The following SEMA5A variants were observed in gnomAD, a reference collection of about 807,000 sequenced individuals.
SEMA5A encodes the protein semaphorin-5A.
SEMA5A carries 55 observed loss-of-function variants against 135.5 expected under a neutral mutation model. That is an observed-to-expected ratio of 0.41 (90% confidence interval 0.33 to 0.51). The LOEUF (loss-of-function observed/expected upper bound fraction) is 0.51. SEMA5A is among the 20% of genes least tolerant of loss of function. SEMA5A has a pLI of 0.37. For synonymous variants in SEMA5A, 580 were observed against 546.5 expected (o/e 1.06, Z -0.85); for missense variants, 1,290 against 1,419.9 (o/e 0.91, Z 1.47).
At chr5:9,226,997 AT>A in intron 6 of SEMA5A, 30 bp from the exon 7 acceptor site, 1 of 908,234 alleles carries the variant, frequency 1.1e-6, no homozygotes, top group Non-Finnish European at 1.4e-6. Flanking sequence ...TTAATTAAAA[AT>A]ATATATATAT....
intron 16 of SEMA5A, among the ~76,000 whole-genome samples, chr5:9,086,778 A>G (rs1197020333): frequency 6.6e-6 from 1 of 152,246 alleles, no homozygotes; most frequent in Non-Finnish European, 1.5e-5. Context: ...TAATCCGTTT[A>G]TGAATGCTGT....
chr5:9,179,415 A>C (rs1476693046), intron 11 of SEMA5A, among the ~76,000 whole-genome samples: 1 of 152,234 alleles, frequency 6.6e-6, no homozygotes, highest in African/African-American at 2.4e-5. Flanking sequence ...AGAGGAAGCA[A>C]GAGACCAAGA....
intron 8 of SEMA5A, among the ~76,000 whole-genome samples, chr5:9,206,276 T>C (rs1289016156): frequency 6.6e-6 from 1 of 152,214 alleles, no homozygotes; most frequent in African/African-American, 2.4e-5. Context: ...AAACTGTTTT[T>C]TCTAATGTTT....
At chr5:9,433,869 T>C (rs1387748193) in intron 2 of SEMA5A, among the ~76,000 whole-genome samples, 1 of 152,194 alleles carries the variant, frequency 6.6e-6, no homozygotes, top group Non-Finnish European at 1.5e-5. Context: ...CTGGCAGATT[T>C]TTAAGACTCC....
intron 2 of SEMA5A, among the ~76,000 whole-genome samples, chr5:9,432,518 T>C (rs1045927595): frequency 6.6e-6 from 1 of 152,142 alleles, no homozygotes; most frequent in Non-Finnish European, 1.5e-5. Flanking sequence ...CACCCAAACC[T>C]ATGTCTTCTC....
At chr5:9,180,737 C>G (rs1744461186) in intron 11 of SEMA5A, among the ~76,000 whole-genome samples, 1 of 151,948 alleles carries the variant, frequency 6.6e-6, no homozygotes, top group African/African-American at 2.4e-5. Flanking sequence ...CAGCCTTGCC[C>G]TACTTTTTTT....
intron 11 of SEMA5A, among the ~76,000 whole-genome samples, chr5:9,178,239 T>A (rs977086238): frequency 6.6e-6 from 1 of 152,130 alleles, no homozygotes; most frequent in African/African-American, 2.4e-5. Flanking sequence ...ACACTTTCAG[T>A]TATGTTCAAT....
At chr5:9,321,045 A>G (rs1474594536) in intron 4 of SEMA5A, among the ~76,000 whole-genome samples, 1 of 152,106 alleles carries the variant, frequency 6.6e-6, no homozygotes. Flanking sequence ...TGATTGGATC[A>G]TGGGGGCGGG....
At chr5:9,279,792 C>A (rs939825661) in intron 5 of SEMA5A, among the ~76,000 whole-genome samples, 5 of 152,110 alleles carry the variant, frequency 3.3e-5, no homozygotes, top group Admixed American at 6.6e-5. Context: ...CTTGCTTTCC[C>A]TTTGCCTTTT....
chr5:9,428,622 A>G (rs1198123311), intron 2 of SEMA5A, among the ~76,000 whole-genome samples: 1 of 152,216 alleles, frequency 6.6e-6, no homozygotes, highest in African/African-American at 2.4e-5. Context: ...GTACACTGTA[A>G]GTGATGTTCA....
At chr5:9,467,427 A>G (rs1759304922) in intron 1 of SEMA5A, among the ~76,000 whole-genome samples, 2 of 152,092 alleles carry the variant, frequency 1.3e-5, no homozygotes, top group Non-Finnish European at 2.9e-5. Context: ...AACTGTTCTG[A>G]GGCCTGATGA....
intron 5 of SEMA5A, among the ~76,000 whole-genome samples, chr5:9,245,699 TC>T (rs1172738884): frequency 6.6e-6 from 1 of 152,220 alleles, no homozygotes. Context: ...GATTCTAAAG[TC>T]TTAAAATTCT....
At chr5:9,303,395 T>C (rs995555255) in intron 5 of SEMA5A, among the ~76,000 whole-genome samples, 8 of 152,168 alleles carry the variant, frequency 5.3e-5, no homozygotes, top group Admixed American at 5.2e-4. Flanking sequence ...GGAACTTGAA[T>C]ATATTTTAAA....
chr5:9,221,707 C>T (rs146382028), intron 8 of SEMA5A, among the ~76,000 whole-genome samples: 91 of 152,170 alleles, frequency 6.0e-4, no homozygotes, highest in African/African-American at 2.0e-3. Flanking sequence ...GTCCAAAAAA[C>T]GAAAATTACT....
chr5:9,304,967 A>G (rs187452352), intron 5 of SEMA5A, among the ~76,000 whole-genome samples: 1 of 152,130 alleles, frequency 6.6e-6, no homozygotes, highest in Non-Finnish European at 1.5e-5. Flanking sequence ...AATGCATTCA[A>G]ACACCTCAGA....
intron 1 of SEMA5A, among the ~76,000 whole-genome samples, chr5:9,443,994 A>C (rs1758334965): frequency 6.6e-6 from 1 of 152,220 alleles, no homozygotes; most frequent in African/African-American, 2.4e-5. Flanking sequence ...TCTACAGGCC[A>C]GCACTGGCTG....
At chr5:9,166,595 T>C (rs1265630561) in intron 11 of SEMA5A, among the ~76,000 whole-genome samples, 1 of 152,236 alleles carries the variant, frequency 6.6e-6, no homozygotes, top group African/African-American at 2.4e-5. Context: ...TCACTGTACA[T>C]ATGCCAGGAG....
rs570388951 is a variant in SEMA5A, at chr5:9,084,427, A to G, written c.2074-17781T>C. ...TCATCTTGTAGCTCCCATAATTCCC[A>G]TGTATTGTGGGAGGAACCTGTTGGG... is the stretch of plus-strand genomic sequence containing the variant. On this transcript the variant is annotated intron_variant, in intron 16 of 22. Coordinates refer to ENST00000382496, the MANE Select transcript of SEMA5A (RefSeq NM_003966.3). 2.1e-3 allele frequency among the ~76,000 whole-genome samples: 318 copies of G among 152,208 alleles called. 1 individual carries two copies. Among genetic ancestry groups the G allele is most frequent in the Middle Eastern group, 3.4e-3 (1 of 294 alleles).
At chr5:9,308,511 C>A (rs1361595185) in intron 5 of SEMA5A, among the ~76,000 whole-genome samples, 3 of 152,120 alleles carry the variant, frequency 2.0e-5, no homozygotes, top group Admixed American at 2.0e-4. Flanking sequence ...CACTCCCTAC[C>A]TTTTGAGAGC....
Sources: allele counts gnomAD v4.1 joint callset (sites outside exome capture counted in the v4.1 genomes callset), GRCh38; gene constraint gnomAD v4.1.1; transcripts MANE v1.5; gene names NCBI Gene and HGNC (gene_info 2026-07-23, HGNC 2026-07-21).